The following SERINC3 variants were observed in gnomAD, a reference collection of about 807,000 sequenced individuals.
The protein encoded by SERINC3 is serine incorporator 3, also known as tumor differentially expressed protein 1.
In SERINC3, 22 loss-of-function variants were observed where a neutral mutation model predicts 52.1. That is an observed-to-expected ratio of 0.42 (90% confidence interval 0.30 to 0.60). SERINC3 has a LOEUF of 0.60. SERINC3 is among the 20% of genes least tolerant of loss of function. The pLI, the probability that SERINC3 is intolerant of heterozygous loss-of-function variation, is 0.16. For synonymous variants in SERINC3, 226 were observed against 212.7 expected, an observed-to-expected ratio of 1.06 and a Z score of -0.54; for missense variants, 564 against 584.6, an observed-to-expected ratio of 0.96 and a Z score of 0.36.
chr20:44,508,143 T>G (rs1419203528), intron 5 of SERINC3, among the ~76,000 whole-genome samples: 2 of 152,212 alleles, frequency 1.3e-5, no homozygotes, highest in African/African-American at 4.8e-5. Flanking sequence ...TATGACCAAT[T>G]TGCAACTCAA....
intron 9 of SERINC3, 40 bp from the exon 10 acceptor site, chr20:44,500,474 T>C: frequency 1.3e-6 from 2 of 1,551,184 alleles, no homozygotes; most frequent in South Asian, 2.4e-5. Context: ...AAGCCTGGTC[T>C]ACCTGACTTC....
At chr20:44,511,179 G>A (rs2064345072) in intron 4 of SERINC3, 110 bp downstream of exon 4, 3 of 738,614 alleles carry the variant, frequency 4.1e-6, no homozygotes, top group Non-Finnish European at 6.9e-6. Flanking sequence ...CTCCCAAAGT[G>A]CTGAGCTTAC....
Position 44,511,305 on chromosome 20 carries a change from C to T in SERINC3, c.459G>A (p.Gly153=), listed in dbSNP as rs533329821. The T allele has an allele frequency of 7.4e-6, 12 of 1,611,394 alleles. No individual in the cohort carries two copies. In the East Asian group the frequency reaches 2.2e-4, roughly 30 times the overall value. The part of the protein sequence containing the change: ...GIMVGSFYIP[G]GYFSSVWFVV... ...GAACCCTACCTGAGCTGAAATAGCC[C>T]CCAGGGATGTAGAAAGAGCCAACCA... Residue 153 remains glycine, a synonymous_variant, in exon 4 of 10, where the codon GGG becomes GGA. Coordinates refer to ENST00000342374, the MANE Select transcript of SERINC3 (RefSeq NM_006811.4).
Position 44,501,437 on chromosome 20 carries a change from A to C in SERINC3, c.1056-137T>G, listed in dbSNP as rs2064279359. ...GAAAGCTTTCTGAAGATCCTGCTTA[A>C]AGTTCTGAACTGCTGCCTGTCATCA... On this transcript the variant is annotated intron_variant, in intron 8 of 9. Coordinates refer to ENST00000342374, the MANE Select transcript of SERINC3 (RefSeq NM_006811.4). 4.4e-6 allele frequency: 3 copies of C among 684,654 alleles called. No individual in the cohort carries two copies. In the Admixed American group the frequency reaches 7.5e-5, roughly 17 times the overall value. The allele number at this position is 684,654 out of a possible 1,614,324, so 42.4% of individuals were successfully genotyped here. A position where few individuals can be genotyped will look rare whatever the true frequency, so the allele number is the denominator to read the frequency against.
chr20:44,500,497 G>A, intron 9 of SERINC3, 63 bp from the exon 10 acceptor site: 5 of 1,540,374 alleles, frequency 3.2e-6, no homozygotes, highest in Non-Finnish European at 3.5e-6. Flanking sequence ...TCAGCCTCCT[G>A]CAGCCCCCCA....
intron 1 of SERINC3, chr20:44,519,495 A>C (rs1322816580): frequency 5.3e-6 from 2 of 378,238 alleles, no homozygotes; most frequent in Non-Finnish European, 7.3e-6. Flanking sequence ...GGTGCATCAG[A>C]TCACAGATCA....
At chr20:44,496,929 G>C (rs189113978), downstream of SERINC3, among the ~76,000 whole-genome samples, 22 of 152,310 alleles carry the variant, frequency 1.4e-4, no homozygotes, top group East Asian at 3.1e-3. Flanking sequence ...CAGTTTCTTT[G>C]ATTACCAAGA....
chr20:44,509,745 G>T, intron 5 of SERINC3, 146 bp downstream of exon 5: 1 of 890,928 alleles, frequency 1.1e-6, no homozygotes, highest in Non-Finnish European at 1.8e-6. Context: ...GCCTAGACTG[G>T]TCTTGAACTC....
chr20:44,509,464 C>A (rs2123050848), intron 5 of SERINC3, among the ~76,000 whole-genome samples: 1 of 152,326 alleles, frequency 6.6e-6, no homozygotes, highest in South Asian at 2.1e-4. Flanking sequence ...GTGCTACTTT[C>A]TTCCAGTGAT....
At chr20:44,501,545 CTG>C (rs893082274) in intron 8 of SERINC3, among the ~76,000 whole-genome samples, 3 of 152,230 alleles carry the variant, frequency 2.0e-5, no homozygotes, top group Non-Finnish European at 2.9e-5. Flanking sequence ...ACTATGCTCT[CTG>C]TGTCTGTTTC....
chr20:44,506,751 A>G (rs959719688), intron 6 of SERINC3, 76 bp downstream of exon 6: 3 of 1,006,576 alleles, frequency 3.0e-6, no homozygotes, highest in South Asian at 2.9e-5. Context: ...ACATAAATTC[A>G]TAAGAAAGGG....
chr20:44,504,978 A>C, intron 6 of SERINC3, 87 bp from the exon 7 acceptor site: 1 of 886,750 alleles, frequency 1.1e-6, no homozygotes, highest in Non-Finnish European at 1.8e-6. Context: ...AGTTAATTCA[A>C]CTATCAGTAA....
chr20:44,511,441 A>G (rs902526882), intron 3 of SERINC3, 73 bp from the exon 4 acceptor site: 38 of 930,664 alleles, frequency 4.1e-5, no homozygotes, highest in Non-Finnish European at 5.6e-5. Context: ...CATTTCTGAA[A>G]TGCAAAAATA....
At chr20:44,502,235 T>G (rs1416664609) in intron 8 of SERINC3, among the ~76,000 whole-genome samples, 1 of 152,226 alleles carries the variant, frequency 6.6e-6, no homozygotes, top group Non-Finnish European at 1.5e-5. Context: ...TACATACACA[T>G]GCAAACTATT....
At chr20:44,510,056 T>A (rs958875928) in intron 4 of SERINC3, 28 bp from the exon 5 acceptor site, 45 of 1,609,708 alleles carry the variant, frequency 2.8e-5, no homozygotes, top group Non-Finnish European at 3.7e-5. Context: ...ACAAAGTTAT[T>A]CTCTACCATA....
chr20:44,521,985 G>A lies in SERINC3; in HGVS notation c.-34C>T, dbSNP rs755165447. 15 of 1,595,926 alleles carry A rather than the reference G, an allele frequency of 9.4e-6. No individual in the cohort carries two copies. Among genetic ancestry groups the A allele is most frequent in the African/African-American group, 1.3e-5 (1 of 74,512 alleles). On this transcript the variant is annotated 5_prime_UTR_variant, in exon 1 of 10. Transcript: ENST00000342374. ...CAGTGATGGAGGTGGCCGGTCCTGA[G>A]GCTGCTTTCTAACACGGTGGTAACT...
intron 6 of SERINC3, among the ~76,000 whole-genome samples, chr20:44,506,171 G>A (rs2064311324): frequency 6.6e-6 from 1 of 151,078 alleles, no homozygotes; most frequent in Admixed American, 6.6e-5. Context: ...CATGGTGGCA[G>A]GCGCCTGGCC....
chr20:44,509,876 A>T lies in SERINC3; in HGVS notation c.613+15T>A. 2 of 1,613,466 alleles carry T rather than the reference A, an allele frequency of 1.2e-6. No homozygotes were observed. The highest frequency in any genetic ancestry group is 1.7e-6 in the Non-Finnish European group (2 of 1,179,408). On this transcript the variant is annotated intron_variant, in intron 5 of 9. Transcript: ENST00000342374. ...TGTAGCAGTATGGCTAACATAGGTG[A>T]GTAGAGATACCTACCAGCATACCAC...
In SERINC3 at chr20:44,498,770, G is replaced by A. The variant is rs1465992297; in HGVS notation, c.*1526C>T. 6.6e-6 allele frequency: 1 copy of A among 152,074 alleles called. No individual in the cohort carries two copies. Among genetic ancestry groups the A allele is most frequent in the Admixed American group, 6.6e-5 (1 of 15,266 alleles). 9.4% of individuals were successfully genotyped at this position (152,074 alleles called of 1,614,324 possible). On this transcript the variant is annotated 3_prime_UTR_variant, in exon 10 of 10. Transcript: ENST00000342374. Reference sequence around the variant, plus strand: ...AGATAAAATTTGTTCATGACACTATGAATATGTTTTCAGCCACCCTCAACA... The same window carrying A: ...AGATAAAATTTGTTCATGACACTATAAATATGTTTTCAGCCACCCTCAACA...
Sources: allele counts gnomAD v4.1 joint callset (sites outside exome capture counted in the v4.1 genomes callset), GRCh38; gene constraint gnomAD v4.1.1; transcripts MANE v1.5; gene names NCBI Gene and HGNC (gene_info 2026-07-23, HGNC 2026-07-21).